Variants in GNAT3 observed in about 807,000 individuals in gnomAD.
GNAT3 encodes the protein G protein subunit alpha transducin 3.
A neutral mutation model predicts 37.7 loss-of-function variants in GNAT3; 31 were observed. The ratio of observed to expected loss-of-function variants is 0.82; its 90% CI spans 0.62 to 1.11. The LOEUF is 1.11. Among genes scored for constraint, GNAT3 ranks in the 50% most tolerant of loss-of-function variants. GNAT3 has a pLI of 0.00. For synonymous variants in GNAT3, 138 were observed against 139.8 expected (o/e 0.99, Z 0.09); for missense variants, 437 against 412.5 (o/e 1.06, Z -0.51).
At chr7:80,498,941 A>T (rs1322360610) in intron 1 of GNAT3, among the ~76,000 whole-genome samples, 1 of 152,224 alleles carries the variant, frequency 6.6e-6, no homozygotes, top group Non-Finnish European at 1.5e-5. Flanking sequence ...TATTAAAAAG[A>T]ATTTTAAATC....
rs200010494 is a variant in GNAT3, at chr7:80,478,905, C to T, written c.397G>A (p.Asp133Asn). The T allele has an allele frequency of 1.8e-4, 286 of 1,613,384 alleles. 1 individual carries two copies. Among genetic ancestry groups the T allele is most frequent in the Admixed American group, 5.2e-4 (31 of 59,936 alleles). ...LAEVIKRLWR[D>N]PGIQACFERA... The stretch of plus-strand genomic sequence containing the variant: ...TCAAAGCAGGCCTGAATTCCTGGAT[C>T]TCTCCACAGCCGTTTTATTACCTCA... The change falls in exon 4 of 8, where the codon GAT (aspartate) becomes AAT (asparagine). Residue 133 changes from aspartate (D) to asparagine (N), a missense_variant. Asp to Asn is a conservative substitution (Grantham distance 23, BLOSUM62 1). Coordinates refer to ENST00000398291, the MANE Select transcript of GNAT3 (RefSeq NM_001102386.3).
chr7:80,510,411 AT>A (rs1314173622), intron 1 of GNAT3, among the ~76,000 whole-genome samples: 1 of 152,184 alleles, frequency 6.6e-6, no homozygotes, highest in East Asian at 1.9e-4. Flanking sequence ...AAACACGGAA[AT>A]TTTTAATACG....
At chr7:80,471,066 G>A (rs1484178666) in intron 5 of GNAT3, among the ~76,000 whole-genome samples, 15 of 150,516 alleles carry the variant, frequency 1.0e-4, no homozygotes, top group Admixed American at 9.3e-4. Flanking sequence ...GAAAAGGGAG[G>A]CTGGCCTAGC....
At chr7:80,468,834 ATGTG>A (rs1471912033) in intron 5 of GNAT3, among the ~76,000 whole-genome samples, 1 of 152,088 alleles carries the variant, frequency 6.6e-6, no homozygotes, top group Non-Finnish European at 1.5e-5. Flanking sequence ...TTTCTACTAA[ATGTG>A]TGTGTGCATT....
chr7:80,471,330 C>T (rs1790214778), intron 5 of GNAT3, among the ~76,000 whole-genome samples: 1 of 151,650 alleles, frequency 6.6e-6, no homozygotes, highest in Non-Finnish European at 1.5e-5. Flanking sequence ...CTCAGAGACA[C>T]ACCCAAGATC....
In GNAT3 at chr7:80,458,873, A is replaced by G. The variant is rs1306042670; in HGVS notation, c.875-12T>C. The G allele has an allele frequency of 1.3e-6, 2 of 1,511,838 alleles. No homozygotes were observed. The highest frequency in any genetic ancestry group is 1.8e-6 in the Non-Finnish European group (2 of 1,119,896). 93.7% of individuals were successfully genotyped at this position (1,511,838 alleles called of 1,614,324 possible). On this transcript the variant is annotated splice_polypyrimidine_tract_variant and intron_variant, in intron 7 of 7. Transcript: ENST00000398291. ...AAATGTATTTGGCCCTTGTTAAACAAAATATTTGAAGAAGTAAAGATTAAT... is the reference window on the plus strand; with the variant it reads ...AAATGTATTTGGCCCTTGTTAAACAGAATATTTGAAGAAGTAAAGATTAAT...
At chr7:80,497,284 A>G (rs1306316011) in intron 1 of GNAT3, among the ~76,000 whole-genome samples, 1 of 152,078 alleles carries the variant, frequency 6.6e-6, no homozygotes, top group African/African-American at 2.4e-5. Flanking sequence ...ATGGCTGAGA[A>G]TTGTTTGTGA....
At chr7:80,493,897 C>T (rs933218357) in intron 2 of GNAT3, among the ~76,000 whole-genome samples, 1 of 146,672 alleles carries the variant, frequency 6.8e-6, no homozygotes, top group Non-Finnish European at 1.5e-5. Context: ...TCCTCCTCCT[C>T]TCTGCACCTC....
chr7:80,464,783 T>C (rs1790105842), intron 5 of GNAT3, among the ~76,000 whole-genome samples: 1 of 152,090 alleles, frequency 6.6e-6, no homozygotes, highest in South Asian at 2.1e-4. Context: ...GTATTTCACA[T>C]ATGAACCAAG....
chr7:80,507,958 A>T (rs1790981403), intron 1 of GNAT3, among the ~76,000 whole-genome samples: 1 of 151,944 alleles, frequency 6.6e-6, no homozygotes, highest in Non-Finnish European at 1.5e-5. Context: ...AAGCCAGATA[A>T]GTGGAATAAT....
At chr7:80,498,149 A>G (rs891783231) in intron 1 of GNAT3, among the ~76,000 whole-genome samples, 1 of 152,150 alleles carries the variant, frequency 6.6e-6, no homozygotes, top group Non-Finnish European at 1.5e-5. Context: ...GTTAATGTAC[A>G]TTCAGAATGG....
intron 5 of GNAT3, among the ~76,000 whole-genome samples, chr7:80,471,180 C>A (rs1790210458): frequency 6.7e-6 from 1 of 150,000 alleles, no homozygotes; most frequent in South Asian, 2.2e-4. Flanking sequence ...GGAGGCTAGG[C>A]CAGTCTGTCT....
intron 5 of GNAT3, among the ~76,000 whole-genome samples, chr7:80,464,704 T>A (rs1287771785): frequency 1.3e-5 from 2 of 152,112 alleles, no homozygotes; most frequent in Non-Finnish European, 2.9e-5. Flanking sequence ...GTAATAGTTA[T>A]ATTTGGAGTA....
At chr7:80,504,251 G>T (rs1045898118) in intron 1 of GNAT3, among the ~76,000 whole-genome samples, 2 of 152,070 alleles carry the variant, frequency 1.3e-5, no homozygotes, top group Non-Finnish European at 2.9e-5. Flanking sequence ...AGGAAGTTGG[G>T]GCTGCAGTGA....
chr7:80,484,422 C>G (rs1000455852), intron 3 of GNAT3, among the ~76,000 whole-genome samples: 1 of 152,012 alleles, frequency 6.6e-6, no homozygotes, highest in African/African-American at 2.4e-5. Flanking sequence ...CAAATCTAAT[C>G]ACAGAACTTC....
At chr7:80,500,414 T>C (rs530408191) in intron 1 of GNAT3, among the ~76,000 whole-genome samples, 25 of 152,150 alleles carry the variant, frequency 1.6e-4, no homozygotes, top group Non-Finnish European at 3.1e-4. Flanking sequence ...GTAGAGGTTA[T>C]TTGGAAGTCT....
At chr7:80,494,022 G>A (rs1440543096) in intron 2 of GNAT3, among the ~76,000 whole-genome samples, 2 of 151,990 alleles carry the variant, frequency 1.3e-5, no homozygotes, top group East Asian at 1.9e-4. Flanking sequence ...TTCTCTAGCA[G>A]TAACAAAGCC....
chr7:80,507,069 G>A (rs1584201245), intron 1 of GNAT3, among the ~76,000 whole-genome samples: 2 of 151,946 alleles, frequency 1.3e-5, no homozygotes, highest in East Asian at 3.9e-4. Context: ...AACATTATTG[G>A]GAATTTGTTT....
At chr7:80,496,450 A>T (rs770550433) in intron 1 of GNAT3, among the ~76,000 whole-genome samples, 1 of 152,084 alleles carries the variant, frequency 6.6e-6, no homozygotes, top group Non-Finnish European at 1.5e-5. Flanking sequence ...TAAATTTCTA[A>T]TTCGACTCTC....
Sources: allele counts gnomAD v4.1 joint callset (sites outside exome capture counted in the v4.1 genomes callset), GRCh38; gene constraint gnomAD v4.1.1; transcripts MANE v1.5; gene names NCBI Gene and HGNC (gene_info 2026-07-23, HGNC 2026-07-21).